CUEDC1: variants seen among roughly 807,000 people sequenced by gnomAD.
The protein encoded by CUEDC1 is CUE domain containing 1.
A neutral mutation model predicts 43.7 loss-of-function variants in CUEDC1; 30 were observed. The observed-to-expected ratio is 0.69, with a 90% CI of 0.51 to 0.93. The LOEUF (loss-of-function observed/expected upper bound fraction) is 0.93. Ranked by LOEUF, CUEDC1 falls within the 40% of genes least tolerant of loss-of-function variation. The pLI is 0.00. For synonymous variants in CUEDC1, 223 were observed against 223.6 expected (o/e 1.00, Z 0.02); for missense variants, 486 against 549.0 (o/e 0.89, Z 1.15).
chr17:57,901,686 C>T (rs2145005480), intron 1 of CUEDC1, among the ~76,000 whole-genome samples: 3 of 152,352 alleles, frequency 2.0e-5, no homozygotes, highest in Admixed American at 2.0e-4. Flanking sequence ...TCTCCCAACA[C>T]AGAATGGGCA....
intron 1 of CUEDC1, among the ~76,000 whole-genome samples, chr17:57,906,832 C>T (rs905725696): frequency 6.6e-6 from 1 of 151,898 alleles, no homozygotes; most frequent in African/African-American, 2.4e-5. Context: ...ATTAGTCGGG[C>T]GTGATGGCGG....
chr17:57,875,612 C>T (rs972769798), intron 3 of CUEDC1, among the ~76,000 whole-genome samples: 2 of 151,848 alleles, frequency 1.3e-5, no homozygotes, highest in Non-Finnish European at 2.9e-5. Context: ...GTAATTTTAA[C>T]GGAAAAACAG....
intron 1 of CUEDC1, among the ~76,000 whole-genome samples, chr17:57,939,331 C>T (rs1220103497): frequency 2.0e-5 from 3 of 151,946 alleles, no homozygotes; most frequent in Non-Finnish European, 4.4e-5. Flanking sequence ...GTGGAACAAT[C>T]CCGGCTCACC....
At chr17:57,865,129 C>T (rs1240032821) in intron 10 of CUEDC1, among the ~76,000 whole-genome samples, 1 of 152,144 alleles carries the variant, frequency 6.6e-6, no homozygotes, top group Non-Finnish European at 1.5e-5. Flanking sequence ...TTGGACAGGA[C>T]CCGTTCTCCC....
chr17:57,870,853 C>T (rs2074025107), intron 6 of CUEDC1, among the ~76,000 whole-genome samples: 1 of 151,960 alleles, frequency 6.6e-6, no homozygotes. Context: ...ATTTTTAGTA[C>T]TTTTTTGGTA....
At chr17:57,873,538 G>C in intron 4 of CUEDC1, 53 bp downstream of exon 4, 1 of 1,493,652 alleles carries the variant, frequency 6.7e-7, no homozygotes, top group Non-Finnish European at 9.0e-7. Context: ...TGTGGGCAAA[G>C]AGAGATGCTG....
intron 1 of CUEDC1, among the ~76,000 whole-genome samples, chr17:57,905,816 C>CAGCAGTT: frequency 6.6e-6 from 1 of 152,298 alleles, no homozygotes; most frequent in South Asian, 2.1e-4. Flanking sequence ...GGTGGATATG[C>CAGCAGTT]ACCAAATCCA....
At chr17:57,916,030 A>G (rs1465286907) in intron 1 of CUEDC1, among the ~76,000 whole-genome samples, 1 of 152,210 alleles carries the variant, frequency 6.6e-6, no homozygotes, top group Non-Finnish European at 1.5e-5. Context: ...GAGGAGTCAT[A>G]TTACCGAAGC....
At position 57,880,219 on chromosome 17, in the gene CUEDC1, C is replaced by CA. The variant is rs2074185537; in HGVS notation, c.337-482dup. Among the ~76,000 whole-genome samples the CA allele has an allele frequency of 5.3e-5, 8 of 152,232 alleles. No homozygotes were observed. The South Asian group carries it at 1.7e-3, about 31-fold the overall frequency. On this transcript the variant is annotated intron_variant, in intron 2 of 10. Coordinates refer to ENST00000577830, the MANE Select transcript of CUEDC1 (RefSeq NM_001271875.2). ...CGTGTGACTCATGTGCTCCTGTACC[C>CA]ATGCTATTCTTTGATGATAACATCT...
chr17:57,953,321 T>C (rs1953316968), intron 1 of CUEDC1, among the ~76,000 whole-genome samples: 1 of 152,168 alleles, frequency 6.6e-6, no homozygotes, highest in Non-Finnish European at 1.5e-5. Flanking sequence ...AATGAGCCCC[T>C]GGAAAAGGGC....
intron 1 of CUEDC1, among the ~76,000 whole-genome samples, chr17:57,888,462 C>G (rs1020426214): frequency 1.3e-5 from 2 of 152,244 alleles, no homozygotes; most frequent in African/African-American, 4.8e-5. Flanking sequence ...ACGCCCAAGC[C>G]ATTTCACAAG....
chr17:57,942,033 C>T (rs1159622339), intron 1 of CUEDC1, among the ~76,000 whole-genome samples: 1 of 152,194 alleles, frequency 6.6e-6, no homozygotes, highest in Non-Finnish European at 1.5e-5. Context: ...CATGCAACCC[C>T]TTCTTCGGTG....
At chr17:57,869,059 G>T in intron 7 of CUEDC1, 63 bp downstream of exon 7, 3 of 1,556,024 alleles carry the variant, frequency 1.9e-6, no homozygotes, top group Non-Finnish European at 8.8e-7. Context: ...CCTCACTCCT[G>T]GGAGGCCACA....
At chr17:57,878,055 C>G (rs2074151957) in intron 3 of CUEDC1, among the ~76,000 whole-genome samples, 1 of 152,060 alleles carries the variant, frequency 6.6e-6, no homozygotes, top group South Asian at 2.1e-4. Context: ...GACAAAGATC[C>G]CAGCTCTGTT....
chr17:57,867,711 T>G, intron 8 of CUEDC1: 2 of 517,582 alleles, frequency 3.9e-6, no homozygotes, highest in Non-Finnish European at 3.5e-6. Flanking sequence ...GAAGCATGAA[T>G]AGGAGTTCTG....
intron 8 of CUEDC1, 117 bp from the exon 9 acceptor site, chr17:57,867,532 C>T: frequency 2.2e-6 from 2 of 888,934 alleles, no homozygotes; most frequent in African/African-American, 1.6e-5. Context: ...GACACACCCA[C>T]CTGACCCCCC....
intron 3 of CUEDC1, among the ~76,000 whole-genome samples, chr17:57,879,315 C>T (rs1486138409): frequency 6.6e-6 from 1 of 152,204 alleles, no homozygotes; most frequent in East Asian, 1.9e-4. Context: ...TCTGGCATCT[C>T]CCTTGACTAT....
intron 8 of CUEDC1, 80 bp downstream of exon 8, chr17:57,868,070 C>T: frequency 8.4e-7 from 1 of 1,194,852 alleles, no homozygotes; most frequent in Non-Finnish European, 1.2e-6. Flanking sequence ...GAGGGCACAG[C>T]TGCAGGGAGT....
chr17:57,940,287 G>A (rs2074905659), intron 1 of CUEDC1, among the ~76,000 whole-genome samples: 2 of 151,430 alleles, frequency 1.3e-5, no homozygotes, highest in South Asian at 2.1e-4. Context: ...CACAGTAAGC[G>A]ATTCAGCCAG....
Sources: allele counts gnomAD v4.1 joint callset (sites outside exome capture counted in the v4.1 genomes callset), GRCh38; gene constraint gnomAD v4.1.1; transcripts MANE v1.5; gene names NCBI Gene and HGNC (gene_info 2026-07-23, HGNC 2026-07-21).